The following IQSEC1 variants were observed in gnomAD, a reference collection of about 807,000 sequenced individuals.
The protein encoded by IQSEC1 is IQ motif and SEC7 domain-containing protein 1.
A neutral mutation model predicts 91.0 loss-of-function variants in IQSEC1; 31 were observed. The ratio of observed to expected loss-of-function variants is 0.34; its 90% CI spans 0.26 to 0.46. IQSEC1 has a LOEUF of 0.46. IQSEC1 is among the 20% of genes least tolerant of loss of function. The probability of loss-of-function intolerance (pLI) is 1.00; values close to 1 mark genes in which losing one functional copy is unlikely to be tolerated. For synonymous variants in IQSEC1, 699 were observed against 662.6 expected (o/e 1.05, Z -0.84); for missense variants, 1,388 against 1,575.6 (o/e 0.88, Z 2.02).
intron 1 of IQSEC1, among the ~76,000 whole-genome samples, chr3:12,976,139 C>G (rs1199828675): frequency 6.6e-6 from 1 of 152,254 alleles, no homozygotes; most frequent in Non-Finnish European, 1.5e-5. Context: ...TACACCCAGC[C>G]TGCTCCCTGA....
At chr3:12,958,019 G>A (rs1227496228) in intron 1 of IQSEC1, among the ~76,000 whole-genome samples, 2 of 152,186 alleles carry the variant, frequency 1.3e-5, no homozygotes, top group East Asian at 1.9e-4. Context: ...ACCCAAGGCC[G>A]CGTGACTCAC....
chr3:13,161,932 A>G (rs925902758), intron 2 of IQSEC1, among the ~76,000 whole-genome samples: 1 of 152,142 alleles, frequency 6.6e-6, no homozygotes, highest in African/African-American at 2.4e-5. Context: ...GCAGCCAGTC[A>G]TGCTCACTCC....
chr3:13,253,919 C>T (rs775944116), intron 1 of IQSEC1, among the ~76,000 whole-genome samples: 7 of 152,136 alleles, frequency 4.6e-5, no homozygotes, highest in Non-Finnish European at 8.8e-5. Context: ...CACAGGCCAC[C>T]GATGGAAGCT....
chr3:13,103,294 T>G lies in IQSEC1; in HGVS notation c.303-55772A>C, dbSNP rs1484401903. Among the ~76,000 whole-genome samples, 2 of 152,038 alleles carry G rather than the reference T, an allele frequency of 1.3e-5. No homozygotes were observed. The highest frequency in any genetic ancestry group is 6.6e-5 in the Admixed American group (1 of 15,264). On this transcript the variant is annotated intron_variant, in intron 2 of 15. Transcript: ENST00000648114. This position sits in a 1 kb window ranked among gnomAD's most constrained non-coding sequence, Gnocchi z 4.1. The stretch of plus-strand genomic sequence containing the variant: ...AGCTTCCACTGGTTTCCAATTTGTG[T>G]TTCCAGAAATTCATCTCCCAGCCAC...
At chr3:13,092,802 C>T (rs1559253366) in intron 2 of IQSEC1, among the ~76,000 whole-genome samples, 1 of 152,210 alleles carries the variant, frequency 6.6e-6, no homozygotes, top group Non-Finnish European at 1.5e-5. Context: ...GGGTTCCTGT[C>T]CCAGTGCCAG....
intron 2 of IQSEC1, among the ~76,000 whole-genome samples, chr3:13,079,084 A>G (rs547075355): frequency 3.6e-4 from 55 of 152,322 alleles, no homozygotes; most frequent in African/African-American, 1.2e-3. Context: ...CCAACCTGGC[A>G]ACTCCTGCAC....
intron 2 of IQSEC1, among the ~76,000 whole-genome samples, chr3:13,156,784 A>AG (rs1426891230): frequency 1.6e-4 from 25 of 152,302 alleles, no homozygotes; most frequent in Admixed American, 1.1e-3. Context: ...TGACATCTGA[A>AG]GGGGGATTGG....
intron 1 of IQSEC1, among the ~76,000 whole-genome samples, chr3:13,190,043 C>G (rs1437920545): frequency 1.3e-5 from 2 of 152,218 alleles, no homozygotes; most frequent in Non-Finnish European, 2.9e-5. Context: ...GGGTCTGGTA[C>G]CTGCCACAGC....
chr3:12,954,952 C>T (rs972264845), intron 1 of IQSEC1, among the ~76,000 whole-genome samples: 47 of 152,202 alleles, frequency 3.1e-4, no homozygotes, highest in Non-Finnish European at 4.9e-4. Context: ...CCCGCAACTC[C>T]ACAGGCCAAC....
intron 1 of IQSEC1, among the ~76,000 whole-genome samples, chr3:13,175,580 G>A (rs1256312213): frequency 1.3e-5 from 2 of 152,216 alleles, no homozygotes; most frequent in African/African-American, 4.8e-5. Context: ...TTCCCTTTGT[G>A]AATATGGGCT....
chr3:13,178,624 A>G (rs528811778), intron 1 of IQSEC1, among the ~76,000 whole-genome samples: 13 of 152,332 alleles, frequency 8.5e-5, no homozygotes, highest in African/African-American at 2.9e-4. Context: ...CTCATCAGAG[A>G]TCTCAGGTGG....
At chr3:13,132,951 G>T (rs1357396287) in intron 2 of IQSEC1, among the ~76,000 whole-genome samples, 1 of 152,202 alleles carries the variant, frequency 6.6e-6, no homozygotes, top group Non-Finnish European at 1.5e-5. Context: ...TAGGGAGGGG[G>T]TTGAAGCTGT....
chr3:12,944,507 T>G (rs1057499533), intron 1 of IQSEC1, among the ~76,000 whole-genome samples: 5 of 151,950 alleles, frequency 3.3e-5, no homozygotes, highest in Non-Finnish European at 7.4e-5. Flanking sequence ...ACCTCCCTCC[T>G]GTCTGACCCC....
Position 13,073,187 on chromosome 3 carries a change from C to CGG in IQSEC1, c.-175_-174dup. Reference sequence around the variant, plus strand: ...TCCTCCAGGGAGGCTGGGGCGGGAGCGGGGGGCGGCGCCAGCAGCGGGCTG... The same window carrying CGG: ...TCCTCCAGGGAGGCTGGGGCGGGAGCGGGGGGGGCGGCGCCAGCAGCGGGCTG... On this transcript the variant is annotated 5_prime_UTR_variant, in exon 1 of 14. Coordinates refer to ENST00000613206, the MANE Select transcript of IQSEC1 (RefSeq NM_001134382.3). 7 of 454,908 alleles carry CGG rather than the reference C, an allele frequency of 1.5e-5. No homozygotes were observed. Among genetic ancestry groups the CGG allele is most frequent in the Admixed American group, 3.1e-5 (1 of 32,512 alleles). The allele number at this position is 454,908 out of a possible 1,614,324, so 28.2% of individuals were successfully genotyped here. A position where few individuals can be genotyped will look rare whatever the true frequency, so the allele number is the denominator to read the frequency against.
At chr3:12,962,048 G>A (rs1700270816) in intron 1 of IQSEC1, among the ~76,000 whole-genome samples, 1 of 152,236 alleles carries the variant, frequency 6.6e-6, no homozygotes, top group Admixed American at 6.5e-5. Context: ...TCTCACAGAT[G>A]TGGAAACTGA....
rs182609932 is a variant in IQSEC1 at position 13,215,024 on chromosome 3, G to C, written c.273-50891C>G. 2.6e-5 allele frequency among the ~76,000 whole-genome samples: 4 copies of C among 152,246 alleles called. No homozygotes were observed. The East Asian group carries it at 5.8e-4, about 22-fold the overall frequency. On this transcript the variant is annotated intron_variant, in intron 1 of 15. Transcript: ENST00000648114. ...TTCAGGGCTGGCAGGATGAGTAAGTGCCTACTGAATGCAAAGGCTGCAGAG... is the reference window on the plus strand; with the variant it reads ...TTCAGGGCTGGCAGGATGAGTAAGTCCCTACTGAATGCAAAGGCTGCAGAG...
At chr3:13,166,477 G>A (rs995770651) in intron 1 of IQSEC1, among the ~76,000 whole-genome samples, 3 of 152,236 alleles carry the variant, frequency 2.0e-5, no homozygotes, top group South Asian at 4.1e-4. Flanking sequence ...AGCCATCAGA[G>A]TCTCCTGGGT....
At chr3:13,035,164 G>T (rs976539348) in intron 1 of IQSEC1, among the ~76,000 whole-genome samples, 1 of 152,204 alleles carries the variant, frequency 6.6e-6, no homozygotes, top group South Asian at 2.1e-4. Flanking sequence ...CTGTGAGCCT[G>T]CCCTTGGGGG....
chr3:12,983,364 G>A lies in IQSEC1; in HGVS notation c.24-41499C>T, dbSNP rs1006694781. On this transcript the variant is annotated intron_variant, in intron 1 of 13. Transcript: ENST00000613206. This position sits in a 1 kb window ranked among gnomAD's most constrained non-coding sequence, Gnocchi z 4.3. ...TGGCGTGGTGACAACTGCAGTCTGG[G>A]TGCTGGCTTGGGGGCGGGTGAGGAG... Among the ~76,000 whole-genome samples the A allele has an allele frequency of 6.6e-6, 1 of 152,180 alleles. No individual in the cohort carries two copies. Among genetic ancestry groups the A allele is most frequent in the African/African-American group, 2.4e-5 (1 of 41,430 alleles).
Sources: allele counts gnomAD v4.1 joint callset (sites outside exome capture counted in the v4.1 genomes callset), GRCh38; gene constraint gnomAD v4.1.1; non-coding constraint Gnocchi (gnomAD v3.1); transcripts MANE v1.5; gene names NCBI Gene and HGNC (gene_info 2026-07-23, HGNC 2026-07-21).